Variants in CTNNA2 observed in about 807,000 individuals in gnomAD.
CTNNA2 encodes the protein catenin alpha-2.
CTNNA2 carries 42 observed loss-of-function variants against 101.0 expected under a neutral mutation model. The ratio of observed to expected loss-of-function variants is 0.42; its 90% CI spans 0.32 to 0.54. The LOEUF (loss-of-function observed/expected upper bound fraction) is 0.54. Among genes scored for constraint, CTNNA2 ranks in the 20% least tolerant of loss-of-function variants. CTNNA2 has a pLI of 0.14. For synonymous variants in CTNNA2, 450 were observed against 456.4 expected, an observed-to-expected ratio of 0.99 and a Z score of 0.18; for missense variants, 871 against 1,223.1, an observed-to-expected ratio of 0.71 and a Z score of 4.29.
At chr2:79,967,065 C>G (rs1268684667) in intron 7 of CTNNA2, among the ~76,000 whole-genome samples, 1 of 152,028 alleles carries the variant, frequency 6.6e-6, no homozygotes, top group African/African-American at 2.4e-5. Context: ...GTTTATAACC[C>G]CAGCCCTGAC....
At chr2:80,639,087 G>C (rs1315163352) in intron 18 of CTNNA2, among the ~76,000 whole-genome samples, 1 of 152,178 alleles carries the variant, frequency 6.6e-6, no homozygotes, top group African/African-American at 2.4e-5. Flanking sequence ...CCACTACTTA[G>C]AGCTGTAAAA....
intron 7 of CTNNA2, among the ~76,000 whole-genome samples, chr2:80,281,681 T>C (rs893640174): frequency 2.0e-5 from 3 of 152,132 alleles, no homozygotes; most frequent in Non-Finnish European, 4.4e-5. Flanking sequence ...CTTCAGAAGA[T>C]ATATTGAAAC....
At position 80,405,329 on chromosome 2, in the gene CTNNA2, G is replaced by A. The variant is rs527991298; in HGVS notation, c.1137+12038G>A. ...CAATAATAAGATTAAATTTCTTGCTGATATAAAACTCATAAGTTAGAAAAC... is the reference window on the plus strand; with the variant it reads ...CAATAATAAGATTAAATTTCTTGCTAATATAAAACTCATAAGTTAGAAAAC... On this transcript the variant is annotated intron_variant, in intron 8 of 18. Transcript: ENST00000402739. Among the ~76,000 whole-genome samples the A allele has an allele frequency of 3.9e-5, 6 of 152,216 alleles. 1 individual carries two copies. In the East Asian group the frequency reaches 5.8e-4, roughly 15 times the overall value.
At chr2:80,066,505 A>G (rs1697995074) in intron 7 of CTNNA2, among the ~76,000 whole-genome samples, 1 of 152,218 alleles carries the variant, frequency 6.6e-6, no homozygotes, top group Non-Finnish European at 1.5e-5. Context: ...AACATCTTTA[A>G]TCATCAGGGA....
chr2:79,399,875 A>G (rs1223270866), intron 4 of CTNNA2, among the ~76,000 whole-genome samples: 3 of 152,174 alleles, frequency 2.0e-5, no homozygotes, highest in South Asian at 4.1e-4. Context: ...GATGAGAATG[A>G]TTCCCTATGT....
At chr2:79,420,287 G>A (rs1678527744) in intron 4 of CTNNA2, among the ~76,000 whole-genome samples, 1 of 152,162 alleles carries the variant, frequency 6.6e-6, no homozygotes, top group South Asian at 2.1e-4. Flanking sequence ...CCATCATGAA[G>A]CAGGGGCTCA....
At chr2:79,195,930 TCA>T (rs1572973407) in intron 1 of CTNNA2, 3 of 442,828 alleles carry the variant, frequency 6.8e-6, no homozygotes, top group East Asian at 1.3e-4. Flanking sequence ...GGGGATGAAC[TCA>T]GTTTTTTGTT....
chr2:79,954,308 A>G (rs1037835904), intron 7 of CTNNA2, among the ~76,000 whole-genome samples: 2 of 152,186 alleles, frequency 1.3e-5, no homozygotes, highest in Non-Finnish European at 2.9e-5. Context: ...GACAAACCAT[A>G]TCAAATACGT....
At chr2:80,067,845 C>T (rs1417698897) in intron 7 of CTNNA2, among the ~76,000 whole-genome samples, 2 of 152,262 alleles carry the variant, frequency 1.3e-5, no homozygotes, top group Admixed American at 6.5e-5. Context: ...CTCTTGTCAA[C>T]AGCAAGTACA....
chr2:79,997,284 T>C (rs1197228227), intron 7 of CTNNA2, among the ~76,000 whole-genome samples: 1 of 150,590 alleles, frequency 6.6e-6, no homozygotes, highest in African/African-American at 2.4e-5. Flanking sequence ...TCTACTATGT[T>C]TATTTCTAGA....
At chr2:79,630,790 A>G (rs1679639635) in intron 1 of CTNNA2, among the ~76,000 whole-genome samples, 2 of 152,222 alleles carry the variant, frequency 1.3e-5, no homozygotes, top group South Asian at 4.1e-4. Context: ...CCAGACACAC[A>G]CATTAAACAA....
chr2:79,871,701 A>T (rs1350778488), intron 5 of CTNNA2, among the ~76,000 whole-genome samples: 1 of 152,182 alleles, frequency 6.6e-6, no homozygotes, highest in African/African-American at 2.4e-5. Context: ...ATTCAAAATA[A>T]TGCTTCATCA....
chr2:80,481,064 C>T (rs1686105923), intron 9 of CTNNA2, among the ~76,000 whole-genome samples: 2 of 152,174 alleles, frequency 1.3e-5, no homozygotes, highest in Admixed American at 6.6e-5. Flanking sequence ...GAAAACTGAG[C>T]CACATTTGGT....
chr2:79,404,225 G>T (rs1465165222), intron 4 of CTNNA2, among the ~76,000 whole-genome samples: 1 of 151,954 alleles, frequency 6.6e-6, no homozygotes, highest in Admixed American at 6.6e-5. Flanking sequence ...CAAGTACATG[G>T]TTGTCATAAA....
At chr2:80,134,707 T>C (rs1040384411) in intron 7 of CTNNA2, among the ~76,000 whole-genome samples, 7 of 152,206 alleles carry the variant, frequency 4.6e-5, no homozygotes, top group Admixed American at 1.3e-4. Context: ...GTTCTGCCTT[T>C]CCGGTTGTGC....
At chr2:80,552,425 C>T (rs902342186) in intron 11 of CTNNA2, among the ~76,000 whole-genome samples, 2 of 152,194 alleles carry the variant, frequency 1.3e-5, no homozygotes, top group African/African-American at 4.8e-5. Flanking sequence ...TGAAAACATT[C>T]TGAACCGTAG....
chr2:80,441,037 T>C (rs1682518904), intron 9 of CTNNA2, among the ~76,000 whole-genome samples: 1 of 152,192 alleles, frequency 6.6e-6, no homozygotes, highest in African/African-American at 2.4e-5. Flanking sequence ...TGGCCAAACA[T>C]GCACTAGCTT....
chr2:80,227,956 G>T, intron 7 of CTNNA2, among the ~76,000 whole-genome samples: 1 of 149,904 alleles, frequency 6.7e-6, no homozygotes, highest in East Asian at 1.9e-4. Context: ...AAGGGAAGTT[G>T]CCCAGGCAGC....
At chr2:79,761,303 A>T (rs1672773812) in intron 3 of CTNNA2, among the ~76,000 whole-genome samples, 1 of 152,152 alleles carries the variant, frequency 6.6e-6, no homozygotes, top group African/African-American at 2.4e-5. Flanking sequence ...TTGAAGTTTT[A>T]CTTTAAAAAA....
Sources: gnomAD v4.1 joint callset for allele counts (sites outside exome capture counted in the v4.1 genomes callset) on GRCh38, gnomAD v4.1.1 for gene constraint, MANE v1.5 for transcripts, NCBI Gene and HGNC (gene_info 2026-07-23, HGNC 2026-07-21) for gene names.